The following CLDN14 variants were observed in gnomAD, a reference collection of about 807,000 sequenced individuals.
CLDN14 encodes claudin 14, also known as claudin-14.
CLDN14 carries 2 observed loss-of-function variants against 2.1 expected under a neutral mutation model. That is an observed-to-expected ratio of 0.96 (90% CI 0.39 to 3.01). The LOEUF (loss-of-function observed/expected upper bound fraction) is 3.01. CLDN14 is among the 30% of genes most tolerant of loss of function. The pLI is 0.09. For missense variants in CLDN14, 298 were observed against 328.0 expected, an observed-to-expected ratio of 0.91 and a Z score of 0.71; for synonymous variants, 136 against 154.4, an observed-to-expected ratio of 0.88 and a Z score of 0.88.
chr21:36,548,674 A>G (rs1411835465), intron 1 of CLDN14, among the ~76,000 whole-genome samples: 1 of 152,052 alleles, frequency 6.6e-6, no homozygotes, highest in Non-Finnish European at 1.5e-5. Flanking sequence ...CCTCTCCCGC[A>G]TGGTCCCCAA....
intron 1 of CLDN14, among the ~76,000 whole-genome samples, chr21:36,555,401 G>A (rs914396261): frequency 6.6e-6 from 1 of 152,244 alleles, no homozygotes; most frequent in African/African-American, 2.4e-5. Flanking sequence ...CACGGGGTGC[G>A]CTGTTATGCT....
At chr21:36,474,729 G>C (rs2086753702) in intron 1 of CLDN14, among the ~76,000 whole-genome samples, 1 of 152,106 alleles carries the variant, frequency 6.6e-6, no homozygotes, top group African/African-American at 2.4e-5. Flanking sequence ...AAGATGAGAG[G>C]CATGGAAGCA....
At chr21:36,518,267 G>A (rs968455547) in intron 1 of CLDN14, among the ~76,000 whole-genome samples, 2 of 152,128 alleles carry the variant, frequency 1.3e-5, no homozygotes, top group African/African-American at 4.8e-5. Flanking sequence ...TCAAAAATAA[G>A]TTGACATTGC....
intron 2 of CLDN14, among the ~76,000 whole-genome samples, chr21:36,509,619 A>T (rs958431864): frequency 6.6e-6 from 1 of 151,758 alleles, no homozygotes; most frequent in African/African-American, 2.4e-5. Context: ...TATTTTTGAG[A>T]CTGGGTCTCA....
At chr21:36,474,635 A>G (rs1390973687) in intron 1 of CLDN14, among the ~76,000 whole-genome samples, 1 of 152,216 alleles carries the variant, frequency 6.6e-6, no homozygotes, top group African/African-American at 2.4e-5. Context: ...AACACCGATA[A>G]CAAAAAACTA....
chr21:36,541,893 ACC>A (rs10712046), intron 1 of CLDN14, among the ~76,000 whole-genome samples: 55 of 151,368 alleles, frequency 3.6e-4, no homozygotes, highest in Admixed American at 5.3e-4. Context: ...TTCTTTTGTT[ACC>A]CCCCCCCAAT....
intron 1 of CLDN14, among the ~76,000 whole-genome samples, chr21:36,538,218 T>C (rs2087446281): frequency 6.6e-6 from 1 of 152,220 alleles, no homozygotes; most frequent in Non-Finnish European, 1.5e-5. Context: ...TAACTCATTT[T>C]CTGGAACCCC....
chr21:36,548,743 G>C (rs2087542327), intron 1 of CLDN14, among the ~76,000 whole-genome samples: 1 of 152,204 alleles, frequency 6.6e-6, no homozygotes, highest in Admixed American at 6.5e-5. Context: ...GGATTGGTCA[G>C]TTGATGTGGG....
intron 2 of CLDN14, chr21:36,486,660 C>T (rs549033005): frequency 7.0e-7 from 1 of 1,435,552 alleles, no homozygotes; most frequent in South Asian, 1.1e-5. Context: ...TCTCTGTTCA[C>T]CTCCTCTTCC....
rs1021037982 is a variant in CLDN14 at position 36,479,930 on chromosome 21, C to G, written c.-517G>C. 1 of 152,322 alleles carries G rather than the reference C, an allele frequency of 6.6e-6. No individual in the cohort carries two copies. Among genetic ancestry groups the G allele is most frequent in the Non-Finnish European group, 1.5e-5 (1 of 68,100 alleles). 9.4% of individuals were successfully genotyped at this position (152,322 alleles called of 1,614,324 possible). A position where few individuals can be genotyped will look rare whatever the true frequency, so the allele number is the denominator to read the frequency against. ...GTCCATAGTCCAGCCTACGCCTGCCCAGGCTCTCGGCTCCGGGTCCATTGG... is the reference window on the plus strand; with the variant it reads ...GTCCATAGTCCAGCCTACGCCTGCCGAGGCTCTCGGCTCCGGGTCCATTGG... On this transcript the variant is annotated 5_prime_UTR_variant, in exon 1 of 2. Coordinates refer to ENST00000399135, the MANE Select transcript of CLDN14 (RefSeq NM_001146079.2).
At chr21:36,552,828 G>A (rs2087572198) in intron 1 of CLDN14, among the ~76,000 whole-genome samples, 1 of 152,200 alleles carries the variant, frequency 6.6e-6, no homozygotes, top group African/African-American at 2.4e-5. Flanking sequence ...CCTCGCTGCT[G>A]GGAGGAAGCT....
intron 2 of CLDN14, among the ~76,000 whole-genome samples, chr21:36,502,117 C>A (rs936271187): frequency 7.9e-5 from 12 of 152,104 alleles, no homozygotes; most frequent in African/African-American, 2.7e-4. Flanking sequence ...TCACAGGGAA[C>A]CATCATGAGG....
chr21:36,506,998 C>T (rs992798219), intron 2 of CLDN14, among the ~76,000 whole-genome samples: 1 of 152,008 alleles, frequency 6.6e-6, no homozygotes, highest in African/African-American at 2.4e-5. Flanking sequence ...TGGTGTGTAC[C>T]TGTAGTTCTA....
chr21:36,497,735 C>T (rs1443296688), intron 2 of CLDN14, among the ~76,000 whole-genome samples: 3 of 152,128 alleles, frequency 2.0e-5, no homozygotes, highest in South Asian at 4.1e-4. Context: ...CCTTCTGCCC[C>T]CGCCCAGGTC....
chr21:36,465,484 C>T (rs1601591810), intron 1 of CLDN14, among the ~76,000 whole-genome samples: 1 of 152,358 alleles, frequency 6.6e-6, no homozygotes, highest in South Asian at 2.1e-4. Flanking sequence ...AACCTGCTTT[C>T]CTTCTTCCTT....
chr21:36,537,377 A>T (rs920108197), intron 1 of CLDN14, among the ~76,000 whole-genome samples: 1 of 152,216 alleles, frequency 6.6e-6, no homozygotes. Context: ...AACAATGAAC[A>T]TACTGATCTT....
rs1365906399 is a variant in CLDN14 at position 36,461,261 on chromosome 21, C to T, written c.435G>A (p.Gln145=). Residue 145 remains glutamine (Q), a synonymous_variant, in exon 2 of 2, where the codon CAG becomes CAA. Coordinates refer to ENST00000399135, the MANE Select transcript of CLDN14 (RefSeq NM_001146079.2). ...TGGGCAGCAGCGGGTTGTAGAAGTT[C>T]TGCACCACGTCGTTGGTGGTCCAGG... ...AVSWTTNDVV[Q]NFYNPLLPSG... is the part of the protein sequence containing the mutation. The T allele has an allele frequency of 1.1e-5, 17 of 1,613,956 alleles. No homozygotes were observed. The highest frequency in any genetic ancestry group is 1.4e-5 in the Non-Finnish European group (16 of 1,180,024).
At chr21:36,532,213 C>G (rs1432623716) in intron 1 of CLDN14, 1 of 152,186 alleles carries the variant, frequency 6.6e-6, no homozygotes. Context: ...CACCACATGA[C>G]CTTGGCATGA....
intron 1 of CLDN14, among the ~76,000 whole-genome samples, chr21:36,555,330 G>A (rs2087591348): frequency 6.6e-6 from 1 of 152,238 alleles, no homozygotes; most frequent in African/African-American, 2.4e-5. Flanking sequence ...TTGGGTCTGG[G>A]TGACCCGTAC....
Sources: gnomAD v4.1 joint callset for allele counts (sites outside exome capture counted in the v4.1 genomes callset) on GRCh38, gnomAD v4.1.1 for gene constraint, MANE v1.5 for transcripts, NCBI Gene and HGNC (gene_info 2026-07-23, HGNC 2026-07-21) for gene names.